The following HCRTR2 variants were observed in gnomAD, a reference collection of about 807,000 sequenced individuals.
The protein encoded by HCRTR2 is hypocretin receptor 2.
A neutral mutation model predicts 49.0 loss-of-function variants in HCRTR2; 22 were observed. The ratio of observed to expected loss-of-function variants is 0.45; its 90% CI spans 0.32 to 0.64. HCRTR2 has a LOEUF of 0.64. Ranked by LOEUF, HCRTR2 falls within the 30% of genes least tolerant of loss-of-function variation. The pLI is 0.04. For missense variants in HCRTR2, 491 were observed against 559.4 expected (o/e 0.88, Z 1.23); for synonymous variants, 236 against 205.3 (o/e 1.15, Z -1.28).
At chr6:55,216,284 C>G (rs993485263) in intron 1 of HCRTR2, among the ~76,000 whole-genome samples, 3 of 152,060 alleles carry the variant, frequency 2.0e-5, no homozygotes, top group Non-Finnish European at 4.4e-5. Flanking sequence ...CCATGACCTC[C>G]CATAATTTAT....
chr6:55,284,198 T>A (rs1236740238), downstream of HCRTR2, among the ~76,000 whole-genome samples: 1 of 151,876 alleles, frequency 6.6e-6, no homozygotes, highest in Non-Finnish European at 1.5e-5. Context: ...TACCTACTTA[T>A]AATTTAAAAG....
At chr6:55,251,662 C>T (rs1323568399) in intron 2 of HCRTR2, among the ~76,000 whole-genome samples, 2 of 152,174 alleles carry the variant, frequency 1.3e-5, no homozygotes, top group South Asian at 2.1e-4. Context: ...CCTATTAGTG[C>T]TTATCATCCA....
intron 1 of HCRTR2, among the ~76,000 whole-genome samples, chr6:55,183,311 G>A (rs1365819000): frequency 6.6e-6 from 1 of 152,118 alleles, no homozygotes; most frequent in Non-Finnish European, 1.5e-5. Context: ...AAGTTACCCA[G>A]GTGAAGAAAA....
chr6:55,267,266 T>C (rs771663692), intron 4 of HCRTR2, among the ~76,000 whole-genome samples: 11 of 152,166 alleles, frequency 7.2e-5, no homozygotes, highest in African/African-American at 2.2e-4. Context: ...AAATCTGTTA[T>C]GTACTTTTGA....
At chr6:55,163,963 G>C (rs1305298680) in intron 1 of HCRTR2, among the ~76,000 whole-genome samples, 3 of 152,132 alleles carry the variant, frequency 2.0e-5, no homozygotes, top group African/African-American at 7.2e-5. Flanking sequence ...AGTGGGTGAA[G>C]GATGTGAACA....
At chr6:55,180,868 C>T (rs982063355) in intron 1 of HCRTR2, among the ~76,000 whole-genome samples, 2 of 151,590 alleles carry the variant, frequency 1.3e-5, no homozygotes, top group African/African-American at 4.9e-5. Flanking sequence ...GGCACAATCT[C>T]GTCTCACTGC....
chr6:55,222,854 T>A (rs538186011), intron 1 of HCRTR2, among the ~76,000 whole-genome samples: 66 of 152,308 alleles, frequency 4.3e-4, no homozygotes, highest in African/African-American at 1.5e-3. Flanking sequence ...TCTAAAGATC[T>A]GATGTACAAT....
chr6:55,239,479 C>G (rs1426407600), intron 1 of HCRTR2, among the ~76,000 whole-genome samples: 2 of 152,212 alleles, frequency 1.3e-5, no homozygotes, highest in Non-Finnish European at 2.9e-5. Context: ...TAGCATTCCT[C>G]TATGCATTTT....
chr6:55,162,991 G>A (rs1382620281), intron 1 of HCRTR2, among the ~76,000 whole-genome samples: 4 of 152,136 alleles, frequency 2.6e-5, no homozygotes, highest in African/African-American at 9.7e-5. Context: ...GCTCACGCTT[G>A]TAATCCAAGC....
chr6:55,175,598 C>G (rs1299019148), intron 1 of HCRTR2, among the ~76,000 whole-genome samples: 1 of 151,752 alleles, frequency 6.6e-6, no homozygotes, highest in Admixed American at 6.6e-5. Flanking sequence ...TTTGTTTTCT[C>G]CAAAGATGAG....
chr6:55,239,196 C>T (rs148594135), intron 1 of HCRTR2, among the ~76,000 whole-genome samples: 2 of 152,168 alleles, frequency 1.3e-5, no homozygotes, highest in African/African-American at 4.8e-5. Flanking sequence ...GACTATGGAA[C>T]CTTCCGTCTT....
At chr6:55,145,283 A>G (rs1428360496) in intron 1 of HCRTR2, among the ~76,000 whole-genome samples, 1 of 152,222 alleles carries the variant, frequency 6.6e-6, no homozygotes, top group African/African-American at 2.4e-5. Context: ...AAGAAAAACC[A>G]AAACACATTC....
intron 1 of HCRTR2, among the ~76,000 whole-genome samples, chr6:55,165,654 G>A (rs892884689): frequency 3.3e-5 from 5 of 150,360 alleles, no homozygotes; most frequent in South Asian, 2.1e-4. Context: ...TTTTTGCATC[G>A]TAGAATACTA....
intron 1 of HCRTR2, among the ~76,000 whole-genome samples, chr6:55,199,618 T>C (rs1765475188): frequency 6.6e-6 from 1 of 152,138 alleles, no homozygotes; most frequent in Non-Finnish European, 1.5e-5. Flanking sequence ...GAAAACAAAA[T>C]GCAGTTATGC....
At chr6:55,253,226 C>T (rs995325217) in intron 2 of HCRTR2, among the ~76,000 whole-genome samples, 1 of 151,664 alleles carries the variant, frequency 6.6e-6, no homozygotes, top group African/African-American at 2.4e-5. Flanking sequence ...ACGCAACACA[C>T]AACACACAAC....
intron 5 of HCRTR2, among the ~76,000 whole-genome samples, chr6:55,280,058 A>C (rs1767158912): frequency 6.6e-6 from 1 of 152,184 alleles, no homozygotes; most frequent in Non-Finnish European, 1.5e-5. Flanking sequence ...CCATATTCTT[A>C]TTTACAAGAA....
intron 1 of HCRTR2, among the ~76,000 whole-genome samples, chr6:55,130,523 C>T (rs1764341154): frequency 6.6e-6 from 1 of 151,762 alleles, no homozygotes; most frequent in Non-Finnish European, 1.5e-5. Flanking sequence ...TCTTCATCCA[C>T]AATTCTCTTC....
At chr6:55,191,213 T>C (rs1175830358) in intron 1 of HCRTR2, among the ~76,000 whole-genome samples, 2 of 152,232 alleles carry the variant, frequency 1.3e-5, no homozygotes, top group South Asian at 4.1e-4. Context: ...GTGCGTACAT[T>C]GGTGTAATTT....
Position 55,199,816 on chromosome 6 carries a change from C to T in HCRTR2, c.223+25006C>T, listed in dbSNP as rs374807455. ...AAATCCTAGGTTTCTCCCTTGTTTG[C>T]ATGAAGGAAATGAAAAATATATAAG... On this transcript the variant is annotated intron_variant, in intron 1 of 6. Transcript: ENST00000370862. 2.6e-4 allele frequency among the ~76,000 whole-genome samples: 40 copies of T among 152,188 alleles called. No individual in the cohort carries two copies. The South Asian group carries it at 7.7e-3, about 29-fold the overall frequency.
Sources: gnomAD v4.1 joint callset for allele counts (sites outside exome capture counted in the v4.1 genomes callset) on GRCh38, gnomAD v4.1.1 for gene constraint, MANE v1.5 for transcripts, NCBI Gene and HGNC (gene_info 2026-07-23, HGNC 2026-07-21) for gene names.